FBH1: variants seen among roughly 807,000 people sequenced by gnomAD.
FBH1 encodes the protein DNA 3'-5' helicase 1.
In FBH1, 43 loss-of-function variants were observed where a neutral mutation model predicts 115.5. The observed-to-expected ratio is 0.37, with a 90% CI of 0.29 to 0.48. The LOEUF (loss-of-function observed/expected upper bound fraction) is 0.48. Ranked by LOEUF, FBH1 falls within the 20% of genes least tolerant of loss-of-function variation. FBH1 has a pLI of 0.99. For synonymous variants in FBH1, 524 were observed against 507.8 expected (o/e 1.03, Z -0.43); for missense variants, 1,001 against 1,337.3 (o/e 0.75, Z 3.92).
intron 13 of FBH1, among the ~76,000 whole-genome samples, chr10:5,920,846 G>C (rs1832268611): frequency 6.6e-6 from 1 of 152,200 alleles, no homozygotes; most frequent in Admixed American, 6.5e-5. Flanking sequence ...AACCGCGTGG[G>C]CTGAGGCAGG....
chr10:5,891,804 G>T (rs792348), intron 1 of FBH1, among the ~76,000 whole-genome samples: 67,845 of 151,850 alleles, frequency 0.45, 15,934 homozygotes, highest in East Asian at 0.68. Context: ...TAGAGACGGG[G>T]TTTCACCATG....
chr10:5,890,150 G>T, upstream of FBH1: 1 of 326,444 alleles, frequency 3.1e-6, no homozygotes, highest in South Asian at 1.5e-4. Flanking sequence ...ATTGGTCGCG[G>T]GGGCCGTCAG....
At position 5,906,078 on chromosome 10, in the gene FBH1, G is replaced by T; in HGVS notation, c.199G>T (p.Gly67Cys). The change falls in exon 3 of 21, where the codon GGC becomes TGC. Residue 67 changes from glycine to cysteine, a missense_variant. By Grantham distance (159) the Gly-to-Cys change is radical. Around this residue, in one of 4 missense-constraint regions of FBH1, gnomAD observed 420 missense variants for 430.4 expected, o/e 0.98. Coordinates refer to ENST00000362091, the MANE Select transcript of FBH1 (RefSeq NM_178150.3). This position sits in a 1 kb window ranked among gnomAD's most constrained non-coding sequence, Gnocchi z 7.3. ...ATGCATCCCTGAGTTCTTCCTAGCA[G>T]GCAAGCAGCCGTGCACCAATGACAT... ...QRCIPEFFLA[G>C]KQPCTNDMAK... is the part of the protein sequence containing the mutation. The T allele has an allele frequency of 6.2e-7, 1 of 1,612,408 alleles. No individual in the cohort carries two copies. The highest frequency in any genetic ancestry group is 1.1e-5 in the South Asian group (1 of 91,056).
At position 5,928,005 on chromosome 10, in the gene FBH1, G is replaced by A. The variant is rs551303944; in HGVS notation, c.2829+464G>A. On this transcript the variant is annotated intron_variant, in intron 19 of 20. Transcript: ENST00000362091. Reference sequence around the variant, plus strand: ...GAGAAATCACTTGAACCTGGGAGGCGGAGGTTGCAGTGAGCCAAGATGGCA... The same window carrying A: ...GAGAAATCACTTGAACCTGGGAGGCAGAGGTTGCAGTGAGCCAAGATGGCA... Among the ~76,000 whole-genome samples the A allele has an allele frequency of 4.0e-5, 6 of 149,724 alleles. No homozygotes were observed. The East Asian group carries it at 5.9e-4, about 15-fold the overall frequency.
chr10:5,898,885 T>C (rs1183584741), intron 1 of FBH1, among the ~76,000 whole-genome samples: 1 of 152,260 alleles, frequency 6.6e-6, no homozygotes, highest in Non-Finnish European at 1.5e-5. Context: ...GCATGCTTAC[T>C]GTCTTTTCGA....
rs1271308299 is a variant in FBH1 at position 5,925,538 on chromosome 10, T to C, written c.2722+46T>C. 3.1e-6 allele frequency: 5 copies of C among 1,607,974 alleles called. No individual in the cohort carries two copies. Among genetic ancestry groups the C allele is most frequent in the Non-Finnish European group, 4.2e-6 (5 of 1,177,476 alleles). On this transcript the variant is annotated intron_variant, in intron 18 of 20. Transcript: ENST00000362091. The surrounding 1 kb of genome is among the most constrained non-coding windows in gnomAD (Gnocchi z 4.6). ...GTCAGGTGCTGCTGTATGTAGTGAG[T>C]GGTGACTGGAATGCTTCCTTTGCAC...
At chr10:5,926,122 A>C (rs7919425) in intron 18 of FBH1, among the ~76,000 whole-genome samples, 46,702 of 148,040 alleles carry the variant, frequency 0.32, 7,428 homozygotes, top group Middle Eastern at 0.36. Context: ...TATTCTTCTT[A>C]TTATTATTAT....
At position 5,897,126 on chromosome 10, in the gene FBH1, C is replaced by T. The variant is rs548169022; in HGVS notation, c.2-5894C>T. Among the ~76,000 whole-genome samples, 1 of 152,128 alleles carries T rather than the reference C, an allele frequency of 6.6e-6. No homozygotes were observed. Among genetic ancestry groups the T allele is most frequent in the African/African-American group, 2.4e-5 (1 of 41,408 alleles). On this transcript the variant is annotated intron_variant, in intron 1 of 20. Coordinates refer to ENST00000362091, the MANE Select transcript of FBH1 (RefSeq NM_178150.3). The surrounding 1 kb of genome is among the most constrained non-coding windows in gnomAD (Gnocchi z 4.7). ...TGTGGTAGTCACATATTTCTTCTGA[C>T]GTTTCTGTTGCTAGGTGTTGACATA...
Position 5,914,320 on chromosome 10 carries a change from C to G in FBH1, c.1396+51C>G, listed in dbSNP as rs1412714267. Reference sequence around the variant, plus strand: ...GAGGTGGTGGTTTTCTGCCTTTTCTCCCTACATCCCCTTCCCGCTACCTGC... The same window carrying G: ...GAGGTGGTGGTTTTCTGCCTTTTCTGCCTACATCCCCTTCCCGCTACCTGC... On this transcript the variant is annotated intron_variant, in intron 8 of 20. Transcript: ENST00000362091. This position sits in a 1 kb window ranked among gnomAD's most constrained non-coding sequence, Gnocchi z 5.2. 6.8e-7 allele frequency: 1 copy of G among 1,471,552 alleles called. No homozygotes were observed. Among genetic ancestry groups the G allele is most frequent in the East Asian group, 2.3e-5 (1 of 44,200 alleles). 91.2% of individuals were successfully genotyped at this position (1,471,552 alleles called of 1,614,324 possible). A position where few individuals can be genotyped will look rare whatever the true frequency, so the allele number is the denominator to read the frequency against.
intron 1 of FBH1, among the ~76,000 whole-genome samples, chr10:5,892,698 T>A (rs1320228661): frequency 6.6e-6 from 1 of 152,254 alleles, no homozygotes; most frequent in Non-Finnish European, 1.5e-5. Context: ...AAAAAGTGAT[T>A]AAAACACAAA....
intron 10 of FBH1, among the ~76,000 whole-genome samples, chr10:5,916,719 A>G (rs1831987175): frequency 1.3e-5 from 2 of 150,102 alleles, no homozygotes; most frequent in Non-Finnish European, 1.5e-5. Flanking sequence ...AGTGTTAGGG[A>G]TCTGAGGATG....
chr10:5,906,705 A>G lies in FBH1; in HGVS notation c.753+73A>G. 1 of 1,248,252 alleles carries G rather than the reference A, an allele frequency of 8.0e-7. No homozygotes were observed. The highest frequency in any genetic ancestry group is 1.1e-6 in the Non-Finnish European group (1 of 896,116). The allele number at this position is 1,248,252 out of a possible 1,614,324, so 77.3% of individuals were successfully genotyped here. A position where few individuals can be genotyped will look rare whatever the true frequency, so the allele number is the denominator to read the frequency against. The stretch of plus-strand genomic sequence containing the variant: ...CTTTGCTTAATGCACGCTTATAATC[A>G]GAGGATCTTTTCAGAAATGGTTTCC... On this transcript the variant is annotated intron_variant, in intron 3 of 20. Coordinates refer to ENST00000362091, the MANE Select transcript of FBH1 (RefSeq NM_178150.3). This position sits in a 1 kb window ranked among gnomAD's most constrained non-coding sequence, Gnocchi z 7.3.
Position 5,933,749 on chromosome 10 carries a change from T to C in FBH1, c.2830-2707T>C, listed in dbSNP as rs1427103807. On this transcript the variant is annotated intron_variant, in intron 19 of 20. Transcript: ENST00000362091. The surrounding 1 kb of genome is among the most constrained non-coding windows in gnomAD (Gnocchi z 4.9). ...CCTCGGCCTCCTGGGTTCAAGCTGT[T>C]CTCCTGTGTCAGCCTCTCAAGTAGC... 6.6e-6 allele frequency among the ~76,000 whole-genome samples: 1 copy of C among 151,912 alleles called. No individual in the cohort carries two copies. The highest frequency in any genetic ancestry group is 1.5e-5 in the Non-Finnish European group (1 of 67,960).
Position 5,906,605 on chromosome 10 carries a change from G to C in FBH1, c.726G>C (p.Leu242Phe). The change falls in exon 3 of 21, where the codon TTG (leucine) becomes TTC (phenylalanine). Residue 242 changes from leucine to phenylalanine, a missense_variant. By Grantham distance (22) the Leu-to-Phe change is conservative. Coordinates refer to ENST00000362091, the MANE Select transcript of FBH1 (RefSeq NM_178150.3). This position sits in a 1 kb window ranked among gnomAD's most constrained non-coding sequence, Gnocchi z 7.3. ...GGAACCTGAGCTTGGTGTGCCACTT[G>C]TGGAGGGAGATCATCAGTGACCCGC... ...LYWNLSLVCH[L>F]WREIISDPLF... The C allele has an allele frequency of 6.2e-7, 1 of 1,610,594 alleles. No homozygotes were observed. The highest frequency in any genetic ancestry group is 8.5e-7 in the Non-Finnish European group (1 of 1,179,076).
Position 5,936,870 on chromosome 10 carries a change from G to A in FBH1, c.2962-240G>A. On this transcript the variant is annotated intron_variant, in intron 20 of 20. Coordinates refer to ENST00000362091, the MANE Select transcript of FBH1 (RefSeq NM_178150.3). This position sits in a 1 kb window ranked among gnomAD's most constrained non-coding sequence, Gnocchi z 5.6. ...CTGGGGTCCCAGCGCAGCTTTTCTT[G>A]GTTCTTTATCTTGACTGGATAAATG... is the stretch of plus-strand genomic sequence containing the variant. The A allele has an allele frequency of 1.7e-6, 1 of 601,144 alleles. No homozygotes were observed. Among genetic ancestry groups the A allele is most frequent in the East Asian group, 2.9e-5 (1 of 34,766 alleles). The allele number at this position is 601,144 out of a possible 1,614,324, so 37.2% of individuals were successfully genotyped here. A position where few individuals can be genotyped will look rare whatever the true frequency, so the allele number is the denominator to read the frequency against.
chr10:5,936,763 G>A lies in FBH1; in HGVS notation c.2961+176G>A. ...GTCTGTCCCAGGGTCAGAGGTCAGG[G>A]CACGTGATGCTGCCTGGCTGTGCTG... is the stretch of plus-strand genomic sequence containing the variant. On this transcript the variant is annotated intron_variant, in intron 20 of 20. Coordinates refer to ENST00000362091, the MANE Select transcript of FBH1 (RefSeq NM_178150.3). The surrounding 1 kb of genome is among the most constrained non-coding windows in gnomAD (Gnocchi z 5.6). The A allele has an allele frequency of 1.3e-6, 1 of 789,786 alleles. No homozygotes were observed. Among genetic ancestry groups the A allele is most frequent in the South Asian group, 1.8e-5 (1 of 54,964 alleles). 48.9% of individuals were successfully genotyped at this position (789,786 alleles called of 1,614,324 possible).
chr10:5,913,482 C>G lies in FBH1; in HGVS notation c.1212-265C>G, dbSNP rs931097908. Among the ~76,000 whole-genome samples the G allele has an allele frequency of 2.0e-5, 3 of 152,114 alleles. No homozygotes were observed. Among genetic ancestry groups the G allele is most frequent in the Non-Finnish European group, 2.9e-5 (2 of 68,018 alleles). ...TGTCTCTTCAAGTCACAGCTGGCGCCCCTCATTCCCTGAAGAGCCCGTCCT... is the reference window on the plus strand; with the variant it reads ...TGTCTCTTCAAGTCACAGCTGGCGCGCCTCATTCCCTGAAGAGCCCGTCCT... On this transcript the variant is annotated intron_variant, in intron 6 of 20. Coordinates refer to ENST00000362091, the MANE Select transcript of FBH1 (RefSeq NM_178150.3). The surrounding 1 kb of genome is among the most constrained non-coding windows in gnomAD (Gnocchi z 4.4).
In FBH1 at chr10:5,915,348, C is replaced by T. The variant is rs557274848; in HGVS notation, c.1397-55C>T. 4.4e-6 allele frequency: 7 copies of T among 1,589,304 alleles called. No homozygotes were observed. The South Asian group carries it at 6.8e-5, about 15-fold the overall frequency. On this transcript the variant is annotated intron_variant, in intron 8 of 20. Coordinates refer to ENST00000362091, the MANE Select transcript of FBH1 (RefSeq NM_178150.3). The surrounding 1 kb of genome is among the most constrained non-coding windows in gnomAD (Gnocchi z 5.2). ...CTGGACAAGGCCTGATTGGGGATCC[C>T]TGGGCATGTCTTGTCTGGTCAGAGG...
rs776856720 is a variant in FBH1 at position 5,918,312 on chromosome 10, G to C, written c.1964-30G>C. On this transcript the variant is annotated intron_variant, in intron 12 of 20. Coordinates refer to ENST00000362091, the MANE Select transcript of FBH1 (RefSeq NM_178150.3). The surrounding 1 kb of genome is among the most constrained non-coding windows in gnomAD (Gnocchi z 4.0). ...TGCTGCCTGGGGTGGAGGCCTCAAG[G>C]TTTCTCACTTTTCCTCTCGTTGGTT... The C allele has an allele frequency of 4.2e-5, 68 of 1,603,682 alleles. No homozygotes were observed. In the East Asian group the frequency reaches 1.5e-3, roughly 35 times the overall value.
Sources: allele counts gnomAD v4.1 joint callset (sites outside exome capture counted in the v4.1 genomes callset), GRCh38; gene constraint gnomAD v4.1.1; regional missense constraint gnomAD v4.1.1; non-coding constraint Gnocchi (gnomAD v3.1); transcripts MANE v1.5; gene names NCBI Gene and HGNC (gene_info 2026-07-23, HGNC 2026-07-21).